Variants in HLA-DRB1 observed in about 807,000 individuals in gnomAD.
The protein encoded by HLA-DRB1 is major histocompatibility complex, class II, DR beta 1 precursor.
Under a neutral mutation model 27.9 loss-of-function variants are expected in HLA-DRB1, and 10 were observed. That is an observed-to-expected ratio of 0.36 (90% CI 0.22 to 0.61). The LOEUF (loss-of-function observed/expected upper bound fraction) is 0.61, where lower values mean the gene tolerates loss of function less well. HLA-DRB1 is among the 20% of genes least tolerant of loss of function. HLA-DRB1 has a pLI of 0.73. For missense variants in HLA-DRB1, 118 were observed against 306.3 expected (o/e 0.39, Z 4.59); for synonymous variants, 57 against 126.7 (o/e 0.45, Z 3.69).
intron 2 of HLA-DRB1, among the ~76,000 whole-genome samples, chr6:32,583,696 T>C: frequency 1.5e-5 from 1 of 67,754 alleles, no homozygotes; most frequent in Non-Finnish European, 2.9e-5. Context: ...TCAGCAGTCC[T>C]CCCCTAAACC....
At chr6:32,586,373 A>G (rs577949058) in intron 1 of HLA-DRB1, among the ~76,000 whole-genome samples, 2 of 77,870 alleles carry the variant, frequency 2.6e-5, no homozygotes, top group Non-Finnish European at 5.2e-5. Context: ...TATCGACTCC[A>G]CCAAACCCAG....
intron 2 of HLA-DRB1, among the ~76,000 whole-genome samples, chr6:32,583,108 T>C (rs1420490380): frequency 1.1e-5 from 1 of 89,680 alleles, no homozygotes; most frequent in Non-Finnish European, 2.3e-5. Context: ...AGAAAGTCAC[T>C]GAGAAAAATA....
chr6:32,589,234 C>T (rs9270253), intron 1 of HLA-DRB1, among the ~76,000 whole-genome samples: 1,285 of 127,722 alleles, frequency 0.01, 5 homozygotes, highest in Admixed American at 0.016. Flanking sequence ...ACTGGATCGT[C>T]TAGGAGAGAC....
intron 1 of HLA-DRB1, among the ~76,000 whole-genome samples, chr6:32,584,746 C>CGGTA (rs1776149008): frequency 2.2e-5 from 2 of 92,876 alleles, no homozygotes; most frequent in Non-Finnish European, 4.3e-5. Context: ...CACGCTTTAC[C>CGGTA]GGTACCTTCA....
chr6:32,585,904 T>C (rs116326560), intron 1 of HLA-DRB1, among the ~76,000 whole-genome samples: 3,661 of 122,654 alleles, frequency 0.03, no homozygotes, highest in East Asian at 0.048. Flanking sequence ...TTATTGAAAT[T>C]GAATACTGAA....
chr6:32,581,228 T>C (rs28732310), intron 3 of HLA-DRB1, among the ~76,000 whole-genome samples: 6,760 of 64,992 alleles, frequency 0.1, 1,348 homozygotes, highest in East Asian at 0.17. Context: ...TCACAAAAAA[T>C]AACTCAGAGC....
intron 3 of HLA-DRB1, 60 bp from the exon 4 acceptor site, chr6:32,580,916 CT>C: frequency 6.7e-6 from 8 of 1,194,506 alleles, no homozygotes; most frequent in East Asian, 2.9e-5. Flanking sequence ...TTACTTGAGA[CT>C]CTAAGATTTA....
chr6:32,582,085 C>A, intron 2 of HLA-DRB1, among the ~76,000 whole-genome samples: 1 of 102,456 alleles, frequency 9.8e-6, no homozygotes, highest in Admixed American at 1.1e-4. Context: ...CATGCATTGT[C>A]AAACTGTTTA....
intron 1 of HLA-DRB1, among the ~76,000 whole-genome samples, chr6:32,585,858 T>C (rs200272928): frequency 0.013 from 1,824 of 143,570 alleles, no homozygotes; most frequent in South Asian, 0.031. Context: ...TCCAGAGATG[T>C]ATATGTTTTT....
intron 1 of HLA-DRB1, among the ~76,000 whole-genome samples, chr6:32,588,710 T>C (rs9270211): frequency 0.037 from 1,403 of 37,932 alleles, 138 homozygotes; most frequent in Middle Eastern, 0.14. Context: ...TGAACAATGT[T>C]CACATCATCT....
At chr6:32,588,061 T>G (rs5000803) in intron 1 of HLA-DRB1, among the ~76,000 whole-genome samples, 86,445 of 133,490 alleles carry the variant, frequency 0.65, 28,368 homozygotes, top group Admixed American at 0.69. Flanking sequence ...CTCCCAGTGA[T>G]AAATACAGGC....
rs28724083 is a variant in HLA-DRB1, at chr6:32,584,082, T to C, written c.370+27A>G. ...ACTCAGATTCCCAGCTCACGGGGACTCAGGCCCCGCCCGCGGCCATGCTCA... is the reference window on the plus strand; with the variant it reads ...ACTCAGATTCCCAGCTCACGGGGACCCAGGCCCCGCCCGCGGCCATGCTCA... On this transcript the variant is annotated intron_variant, in intron 2 of 5. Transcript: ENST00000360004. 3,645 of 573,894 alleles carry C rather than the reference T, an allele frequency of 6.4e-3. 884 individuals carry two copies. The highest frequency in any genetic ancestry group is 0.021 in the Admixed American group (426 of 20,576). The allele number at this position is 573,894 out of a possible 1,614,324, so 35.6% of individuals were successfully genotyped here.
At chr6:32,579,218 G>A (rs34656332) in intron 5 of HLA-DRB1, 114 bp from the exon 6 acceptor site, 2 of 268,316 alleles carry the variant, frequency 7.5e-6, no homozygotes, top group Non-Finnish European at 1.2e-5. Flanking sequence ...AGAAGTTCCT[G>A]AGTCTCCCCT....
At chr6:32,588,343 A>G (rs1183542246) in intron 1 of HLA-DRB1, among the ~76,000 whole-genome samples, 3 of 142,470 alleles carry the variant, frequency 2.1e-5, no homozygotes, top group Non-Finnish European at 4.6e-5. Flanking sequence ...ATTCCCAGCT[A>G]CTCTGGAGCC....
chr6:32,587,347 A>C (rs35703034), intron 1 of HLA-DRB1, among the ~76,000 whole-genome samples: 19,587 of 56,960 alleles, frequency 0.34, 8,641 homozygotes, highest in Non-Finnish European at 0.38. Context: ...GTGCCACAGC[A>C]ATCTAGCCTG....
At position 32,584,138 on chromosome 6, in the gene HLA-DRB1, A is replaced by G. The variant is rs17424145; in HGVS notation, c.341T>C (p.Val114Ala). 10,483 of 1,373,374 alleles carry G rather than the reference A, an allele frequency of 7.6e-3. 1,772 individuals carry two copies. The highest frequency in any genetic ancestry group is 0.026 in the Admixed American group (1,186 of 45,372). 85.1% of individuals were successfully genotyped at this position (1,373,374 alleles called of 1,614,324 possible). ...CCGCTGCACTGTGAAGCTCTCCACA[A>G]CCCCGTAGTTGTGTCTGCAGTAGGT... Residue 114 changes from valine (V) to alanine (A), a missense_variant, in exon 2 of 6, where the codon GTT becomes GCT. By Grantham distance (64) the Val-to-Ala change is moderately conservative (BLOSUM62 0). This residue lies in a region of HLA-DRB1 where 24 missense variants were observed against 114.5 expected (regional missense o/e 0.21). Transcript: ENST00000360004.
chr6:32,583,689 G>A lies in HLA-DRB1; in HGVS notation c.370+420C>T, dbSNP rs796972452. ...TATCCCAAACCTGCCTTACCCCTCA[G>A]CAGTCCTCCCCTAAACCTTCACCCC... is the stretch of plus-strand genomic sequence containing the variant. On this transcript the variant is annotated intron_variant, in intron 2 of 5. Coordinates refer to ENST00000360004, the Ensembl canonical transcript of HLA-DRB1. Among the ~76,000 whole-genome samples the A allele has an allele frequency of 3.9e-3, 224 of 56,728 alleles. 14 individuals carry two copies. Among genetic ancestry groups the A allele is most frequent in the South Asian group, 0.011 (18 of 1,648 alleles). 37.2% of individuals were successfully genotyped at this position (56,728 alleles called of 152,430 possible).
chr6:32,588,208 C>T (rs2150811869), intron 1 of HLA-DRB1, among the ~76,000 whole-genome samples: 1 of 144,868 alleles, frequency 6.9e-6, no homozygotes, highest in South Asian at 2.2e-4. Flanking sequence ...ATAATCCTAG[C>T]ATGTTGGGAG....
At chr6:32,582,064 T>C (rs9269823) in intron 2 of HLA-DRB1, among the ~76,000 whole-genome samples, 72,521 of 100,676 alleles carry the variant, frequency 0.72, 28,108 homozygotes, top group Middle Eastern at 0.84. Flanking sequence ...TTCTTCATAG[T>C]TTTAAATCGG....
Sources: allele counts gnomAD v4.1 joint callset (sites outside exome capture counted in the v4.1 genomes callset), GRCh38; gene constraint gnomAD v4.1.1; regional missense constraint gnomAD v4.1.1; transcripts MANE v1.5; gene names NCBI Gene and HGNC (gene_info 2026-07-23, HGNC 2026-07-21).